Variants in ERC1 observed in about 807,000 individuals in gnomAD.
The protein encoded by ERC1 is RAB6 interacting protein 2.
A neutral mutation model predicts 132.0 loss-of-function variants in ERC1; 56 were observed. The ratio of observed to expected loss-of-function variants is 0.42; its 90% CI spans 0.34 to 0.53. The LOEUF is 0.53. Among genes scored for constraint, ERC1 ranks in the 20% least tolerant of loss-of-function variants. The pLI, the probability that ERC1 is intolerant of heterozygous loss-of-function variation, is 0.03. For synonymous variants in ERC1, 478 were observed against 476.1 expected (o/e 1.00, Z -0.05); for missense variants, 1,202 against 1,349.9 (o/e 0.89, Z 1.72).
chr12:1,476,862 CTA>C (rs2093984572), intron 18 of ERC1, among the ~76,000 whole-genome samples: 1 of 152,110 alleles, frequency 6.6e-6, no homozygotes, highest in Non-Finnish European at 1.5e-5. Flanking sequence ...AACTAAATGT[CTA>C]TTGGAGTTAA....
chr12:1,319,972 ATTG>A lies in ERC1; in HGVS notation c.2780+29963_2780+29965del, dbSNP rs745671674. On this transcript the variant is annotated intron_variant, in intron 15 of 18. Transcript: ENST00000360905. The stretch of plus-strand genomic sequence containing the variant: ...ATTTTATATATACAATGTTAGATAT[ATTG>A]TTCTGCAATTTATATTTCAGTGGAA... Among the ~76,000 whole-genome samples, 177 of 152,266 alleles carry A rather than the reference ATTG, an allele frequency of 1.2e-3. 1 individual carries two copies. Among genetic ancestry groups the A allele is most frequent in the Non-Finnish European group, 1.8e-3 (120 of 67,998 alleles).
chr12:1,218,474 C>G (rs1009700671), intron 12 of ERC1, among the ~76,000 whole-genome samples: 2 of 152,124 alleles, frequency 1.3e-5, no homozygotes, highest in African/African-American at 2.4e-5. Flanking sequence ...CTCAGCAAAT[C>G]TTATTTAAAA....
At chr12:1,349,581 T>G (rs1049148325) in intron 15 of ERC1, among the ~76,000 whole-genome samples, 78 of 151,216 alleles carry the variant, frequency 5.2e-4, no homozygotes, top group African/African-American at 1.9e-3. Context: ...GGTGAATCGC[T>G]TGAACCCGGG....
chr12:1,364,787 G>C (rs1185272483), intron 15 of ERC1, among the ~76,000 whole-genome samples: 4 of 152,156 alleles, frequency 2.6e-5, no homozygotes, highest in Non-Finnish European at 5.9e-5. Context: ...AGTTGAAAAG[G>C]ACAGTCTCAC....
intron 18 of ERC1, among the ~76,000 whole-genome samples, chr12:1,468,154 A>C (rs2093783321): frequency 6.6e-6 from 1 of 152,226 alleles, no homozygotes; most frequent in Non-Finnish European, 1.5e-5. Context: ...CTTACTTCTA[A>C]AAGTAAGTAA....
At chr12:1,040,297 A>ATTTTTC (rs1013433979) in intron 2 of ERC1, among the ~76,000 whole-genome samples, 1 of 144,730 alleles carries the variant, frequency 6.9e-6, no homozygotes, top group Non-Finnish European at 1.5e-5. Flanking sequence ...AAAAATACTC[A>ATTTTTC]TTTTTCTTTT....
At chr12:1,484,043 C>CA (rs1169310656) in intron 18 of ERC1, among the ~76,000 whole-genome samples, 1 of 147,844 alleles carries the variant, frequency 6.8e-6, no homozygotes, top group Non-Finnish European at 1.5e-5. Context: ...TGGTGGCTCA[C>CA]GCCTGTAATC....
intron 12 of ERC1, among the ~76,000 whole-genome samples, chr12:1,200,558 C>CT (rs994182567): frequency 7.7e-6 from 1 of 130,526 alleles, no homozygotes; most frequent in African/African-American, 3.4e-5. Context: ...CTCACATTTC[C>CT]TTTTCTTTTT....
At chr12:1,418,748 TG>T (rs1421208860) in intron 17 of ERC1, among the ~76,000 whole-genome samples, 1 of 149,376 alleles carries the variant, frequency 6.7e-6, no homozygotes, top group Non-Finnish European at 1.5e-5. Flanking sequence ...TCTCTCTCTC[TG>T]TCGCTCAGAC....
intron 15 of ERC1, among the ~76,000 whole-genome samples, chr12:1,352,686 A>C (rs941406211): frequency 6.6e-6 from 1 of 150,718 alleles, no homozygotes; most frequent in Non-Finnish European, 1.5e-5. Context: ...TCTCTACTAC[A>C]CTTGTCCATG....
chr12:1,241,523 T>G (rs886397089), intron 13 of ERC1, among the ~76,000 whole-genome samples: 2 of 152,196 alleles, frequency 1.3e-5, no homozygotes, highest in Non-Finnish European at 2.9e-5. Flanking sequence ...TCAAGGCAAT[T>G]TTTTCACTTA....
intron 14 of ERC1, 63 bp from the exon 15 acceptor site, chr12:1,289,789 C>T: frequency 7.2e-7 from 1 of 1,392,816 alleles, no homozygotes; most frequent in East Asian, 2.3e-5. Flanking sequence ...TGCGTGTTAC[C>T]CAGGTCCTCT....
At chr12:1,238,685 G>A (rs1328016566) in intron 13 of ERC1, among the ~76,000 whole-genome samples, 1 of 151,972 alleles carries the variant, frequency 6.6e-6, no homozygotes, top group African/African-American at 2.4e-5. Context: ...CACTTTAACT[G>A]TTTCATTTGT....
chr12:1,067,505 T>A (rs755926041), intron 2 of ERC1, among the ~76,000 whole-genome samples: 2 of 152,206 alleles, frequency 1.3e-5, no homozygotes, highest in South Asian at 4.1e-4. Flanking sequence ...GTAGAAATGC[T>A]TGCTTACAGT....
rs764155266 is a variant in ERC1 at position 1,495,628 on chromosome 12, C to T, written c.*5398C>T. The T allele has an allele frequency of 2.7e-5, 6 of 226,206 alleles. No homozygotes were observed. The highest frequency in any genetic ancestry group is 5.3e-5 in the Non-Finnish European group (6 of 113,648). 14.0% of individuals were successfully genotyped at this position (226,206 alleles called of 1,614,324 possible). ...TGGGGCCTGTGACTGCTCCCTGATG[C>T]GTCAGAAGAGAAGTGTTGCACTTTA... is the stretch of plus-strand genomic sequence containing the variant. On this transcript the variant is annotated 3_prime_UTR_variant, in exon 19 of 19. Coordinates refer to ENST00000360905, the MANE Select transcript of ERC1 (RefSeq NM_178040.4).
intron 15 of ERC1, among the ~76,000 whole-genome samples, chr12:1,297,465 G>A (rs968295821): frequency 1.3e-5 from 2 of 150,182 alleles, no homozygotes; most frequent in African/African-American, 2.5e-5. Context: ...GCTTTGAGAG[G>A]CCAAGGTGGG....
intron 16 of ERC1, among the ~76,000 whole-genome samples, chr12:1,387,421 A>C (rs7132208): frequency 0.027 from 4,159 of 152,284 alleles, 206 homozygotes; most frequent in African/African-American, 0.096. Context: ...ATAGCCCCCA[A>C]AAAACATTAT....
At chr12:1,400,902 T>G (rs2090963980) in intron 16 of ERC1, among the ~76,000 whole-genome samples, 1 of 146,884 alleles carries the variant, frequency 6.8e-6, no homozygotes, top group Admixed American at 6.8e-5. Flanking sequence ...CAATATTGTT[T>G]TGGCTATTTT....
chr12:1,051,759 GA>G (rs1234867259), intron 2 of ERC1, among the ~76,000 whole-genome samples: 1 of 152,136 alleles, frequency 6.6e-6, no homozygotes, highest in Non-Finnish European at 1.5e-5. Flanking sequence ...CCACCTGGGG[GA>G]TGTGGGCAGG....
Sources: gnomAD v4.1 joint callset for allele counts (sites outside exome capture counted in the v4.1 genomes callset) on GRCh38, gnomAD v4.1.1 for gene constraint, MANE v1.5 for transcripts, NCBI Gene and HGNC (gene_info 2026-07-23, HGNC 2026-07-21) for gene names.